The following KATNIP variants were observed in gnomAD, a reference collection of about 807,000 sequenced individuals.
The protein encoded by KATNIP is katanin-interacting protein.
In KATNIP, 126 loss-of-function variants were observed where a neutral mutation model predicts 174.0. That is an observed-to-expected ratio of 0.72 (90% CI 0.63 to 0.84). The LOEUF is 0.84. Ranked by LOEUF, KATNIP falls within the 40% of genes least tolerant of loss-of-function variation. The probability of loss-of-function intolerance (pLI) is 0.00; values close to 1 mark genes in which losing one functional copy is unlikely to be tolerated. For missense variants in KATNIP, 1,958 were observed against 2,109.7 expected (o/e 0.93, Z 1.41); for synonymous variants, 810 against 835.7 (o/e 0.97, Z 0.53).
chr16:27,649,274 A>G (rs2077052498), intron 6 of KATNIP, among the ~76,000 whole-genome samples: 1 of 152,198 alleles, frequency 6.6e-6, no homozygotes, highest in Admixed American at 6.5e-5. Flanking sequence ...CTTGGAGTCC[A>G]TGTCGGTTTA....
intron 15 of KATNIP, among the ~76,000 whole-genome samples, chr16:27,741,505 T>C (rs2081108587): frequency 6.6e-6 from 1 of 152,132 alleles, no homozygotes; most frequent in Admixed American, 6.5e-5. Context: ...TGCCTGAGTG[T>C]TGGAAGTGGC....
chr16:27,597,783 C>T (rs1187570221), intron 2 of KATNIP, among the ~76,000 whole-genome samples: 1 of 152,118 alleles, frequency 6.6e-6, no homozygotes, highest in Non-Finnish European at 1.5e-5. Context: ...TGCCTCTGTC[C>T]ACTTCTCTGC....
intron 6 of KATNIP, among the ~76,000 whole-genome samples, chr16:27,677,073 C>T (rs1013919324): frequency 1.3e-5 from 2 of 152,096 alleles, no homozygotes; most frequent in African/African-American, 2.4e-5. Context: ...AAATATAGAT[C>T]TTAATGCTTA....
chr16:27,746,056 C>T (rs2081283458), intron 15 of KATNIP, among the ~76,000 whole-genome samples: 1 of 151,432 alleles, frequency 6.6e-6, no homozygotes, highest in Non-Finnish European at 1.5e-5. Context: ...CCTCCACCTC[C>T]TGGGTTCAAG....
chr16:27,621,588 A>G (rs542883760), intron 3 of KATNIP, among the ~76,000 whole-genome samples: 4 of 152,108 alleles, frequency 2.6e-5, no homozygotes, highest in African/African-American at 7.2e-5. Context: ...CCATTTTTGC[A>G]TTACTATAAA....
intron 14 of KATNIP, chr16:27,727,673 C>G (rs114288550): frequency 6.6e-6 from 1 of 152,350 alleles, no homozygotes; most frequent in African/African-American, 2.4e-5. Flanking sequence ...GCATTTTCAG[C>G]AATGCCTTTT....
At chr16:27,624,529 A>C (rs1160916972) in intron 3 of KATNIP, among the ~76,000 whole-genome samples, 1 of 152,166 alleles carries the variant, frequency 6.6e-6, no homozygotes, top group Non-Finnish European at 1.5e-5. Flanking sequence ...AGAAACAGGC[A>C]TTGAGGCCAG....
chr16:27,615,317 G>T (rs1424383505), intron 2 of KATNIP, among the ~76,000 whole-genome samples: 1 of 148,146 alleles, frequency 6.8e-6, no homozygotes, highest in Non-Finnish European at 1.5e-5. Flanking sequence ...TTTAAGAAAT[G>T]GAGTGGGAAT....
intron 6 of KATNIP, among the ~76,000 whole-genome samples, chr16:27,676,615 C>T (rs1355509400): frequency 6.6e-6 from 1 of 152,114 alleles, no homozygotes; most frequent in Admixed American, 6.5e-5. Context: ...ATATAGGCTA[C>T]AAGGGGTAGT....
At chr16:27,706,788 G>A (rs2079326686) in intron 12 of KATNIP, among the ~76,000 whole-genome samples, 1 of 152,314 alleles carries the variant, frequency 6.6e-6, no homozygotes, top group South Asian at 2.1e-4. Flanking sequence ...CAAGGTGAAC[G>A]GTGCCACTTC....
rs545846840 is a variant in KATNIP at position 27,596,206 on chromosome 16, G to A, written c.64-22219G>A. Reference sequence around the variant, plus strand: ...CTGCACAATCTCCGTGAGAGATGACGTGGCTTCCTTTGGGGCAGCAGCTGT... The same window carrying A: ...CTGCACAATCTCCGTGAGAGATGACATGGCTTCCTTTGGGGCAGCAGCTGT... On this transcript the variant is annotated intron_variant, in intron 2 of 27. Coordinates refer to ENST00000261588, the MANE Select transcript of KATNIP (RefSeq NM_015202.5). Among the ~76,000 whole-genome samples the A allele has an allele frequency of 5.9e-5, 9 of 152,304 alleles. No homozygotes were observed. The South Asian group carries it at 1.2e-3, about 21-fold the overall frequency.
intron 5 of KATNIP, chr16:27,631,401 C>T: frequency 2.1e-6 from 1 of 486,338 alleles, no homozygotes; most frequent in South Asian, 2.6e-5. Context: ...AAAAATTCGC[C>T]AGGTGTGGCA....
intron 18 of KATNIP, 146 bp from the exon 19 acceptor site, chr16:27,761,267 C>T: frequency 1.3e-6 from 1 of 774,232 alleles, no homozygotes; most frequent in South Asian, 1.9e-5. Context: ...TAGAGGAAAG[C>T]CACAGAGCCC....
At chr16:27,613,940 A>G (rs549108357) in intron 2 of KATNIP, among the ~76,000 whole-genome samples, 2 of 152,258 alleles carry the variant, frequency 1.3e-5, no homozygotes, top group East Asian at 3.9e-4. Context: ...TTAGAGAGAC[A>G]GGGTCTCACC....
chr16:27,702,873 A>T (rs1207680523), intron 11 of KATNIP, among the ~76,000 whole-genome samples: 2 of 152,196 alleles, frequency 1.3e-5, no homozygotes, highest in African/African-American at 4.8e-5. Context: ...ATTCCCCTGC[A>T]TGTGAAAAGG....
chr16:27,726,422 T>C (rs57482699), intron 14 of KATNIP, among the ~76,000 whole-genome samples: 2,665 of 152,250 alleles, frequency 0.018, 57 homozygotes, highest in East Asian at 0.093. Context: ...CTGTTGAGAA[T>C]TTCACAAGCA....
chr16:27,688,515 C>T (rs1252403699), intron 8 of KATNIP, among the ~76,000 whole-genome samples: 6 of 152,062 alleles, frequency 3.9e-5, no homozygotes, highest in Admixed American at 2.0e-4. Context: ...TGCTTGAACC[C>T]GGGAGGCAGA....
chr16:27,721,695 C>T lies in KATNIP; in HGVS notation c.1743C>T (p.Gly581=), dbSNP rs140779565. 3.7e-6 allele frequency: 6 copies of T among 1,613,424 alleles called. No homozygotes were observed. Among genetic ancestry groups the T allele is most frequent in the South Asian group, 1.1e-5 (1 of 91,064 alleles). The change falls in exon 14 of 28, where the codon GGC becomes GGT. Residue 581 remains glycine (G), a splice_region_variant and synonymous_variant. Coordinates refer to ENST00000261588, the MANE Select transcript of KATNIP (RefSeq NM_015202.5). ...IKVRNYWTAD[G]DLDIGAKNVK... ...TTCGGAATTACTGGACAGCTGATGG[C>T]GTAAGTAACAGGCGCTGGTTCCCCA... is the stretch of plus-strand genomic sequence containing the variant.
chr16:27,654,674 C>T, intron 6 of KATNIP: 1 of 1,351,872 alleles, frequency 7.4e-7, no homozygotes, highest in Non-Finnish European at 9.8e-7. Context: ...TGCATGTGGA[C>T]ATTCTGACCC....
Sources: gnomAD v4.1 joint callset for allele counts (sites outside exome capture counted in the v4.1 genomes callset) on GRCh38, gnomAD v4.1.1 for gene constraint, MANE v1.5 for transcripts, NCBI Gene and HGNC (gene_info 2026-07-23, HGNC 2026-07-21) for gene names.